GRM7: variants seen among roughly 807,000 people sequenced by gnomAD.
GRM7 encodes the protein glutamate metabotropic receptor 7.
A neutral mutation model predicts 84.5 loss-of-function variants in GRM7; 35 were observed. The ratio of observed to expected loss-of-function variants is 0.41; its 90% confidence interval spans 0.32 to 0.55. GRM7 has a LOEUF of 0.55. Ranked by LOEUF, GRM7 falls within the 20% of genes least tolerant of loss-of-function variation. The pLI, the probability that GRM7 is intolerant of heterozygous loss-of-function variation, is 0.19. For missense variants in GRM7, 1,003 were observed against 1,194.6 expected (o/e 0.84, Z 2.36); for synonymous variants, 487 against 455.1 (o/e 1.07, Z -0.89).
chr3:7,369,585 G>A (rs567976438), intron 4 of GRM7, among the ~76,000 whole-genome samples: 1 of 152,076 alleles, frequency 6.6e-6, no homozygotes, highest in Non-Finnish European at 1.5e-5. Flanking sequence ...GAAGGGGAAT[G>A]GATGGTAGAG....
chr3:7,581,429 A>G (rs1026943454), intron 8 of GRM7, among the ~76,000 whole-genome samples: 1 of 152,222 alleles, frequency 6.6e-6, no homozygotes, highest in African/African-American at 2.4e-5. Context: ...TTAAAGGCAC[A>G]AAATTGCCAA....
At chr3:7,739,390 C>A (rs1702613792) in intron 9 of GRM7, among the ~76,000 whole-genome samples, 1 of 152,196 alleles carries the variant, frequency 6.6e-6, no homozygotes, top group Non-Finnish European at 1.5e-5. Flanking sequence ...GTGAACACTT[C>A]TATTTAGAAT....
At chr3:7,628,340 C>T (rs1472279972) in intron 8 of GRM7, among the ~76,000 whole-genome samples, 2 of 152,110 alleles carry the variant, frequency 1.3e-5, no homozygotes, top group African/African-American at 2.4e-5. Context: ...ACAGCTTGCC[C>T]AGGTCACGAC....
chr3:7,156,971 A>G (rs1694471056), intron 2 of GRM7, among the ~76,000 whole-genome samples: 1 of 152,158 alleles, frequency 6.6e-6, no homozygotes, highest in Non-Finnish European at 1.5e-5. Flanking sequence ...AAAAAAAATC[A>G]GAATTCTTTG....
chr3:7,711,280 A>C (rs914028535), intron 9 of GRM7, among the ~76,000 whole-genome samples: 9 of 152,192 alleles, frequency 5.9e-5, no homozygotes, highest in African/African-American at 1.9e-4. Context: ...AATGATGAGA[A>C]GGCACAAACC....
At chr3:6,884,190 G>C (rs540368552) in intron 1 of GRM7, 1 of 152,618 alleles carries the variant, frequency 6.6e-6, no homozygotes. Flanking sequence ...GTCAAGTACA[G>C]TAGCTACCTG....
At chr3:7,470,293 C>A (rs903382251) in intron 7 of GRM7, among the ~76,000 whole-genome samples, 1 of 152,078 alleles carries the variant, frequency 6.6e-6, no homozygotes, top group African/African-American at 2.4e-5. Flanking sequence ...ATGTCAATAC[C>A]GTTAATATCC....
rs563312204 is a variant in GRM7 at position 7,381,469 on chromosome 3, A to C, written c.1034-33554A>C. Among the ~76,000 whole-genome samples the C allele has an allele frequency of 1.3e-4, 20 of 152,274 alleles. No homozygotes were observed. The East Asian group carries it at 3.9e-3, about 29-fold the overall frequency. ...TCTCTATTCTTGGGGTTTATGGATCATTGGGGAGGCAAGCATTAAACATTT... is the reference window on the plus strand; with the variant it reads ...TCTCTATTCTTGGGGTTTATGGATCCTTGGGGAGGCAAGCATTAAACATTT... On this transcript the variant is annotated intron_variant, in intron 4 of 9. Coordinates refer to ENST00000357716, the MANE Select transcript of GRM7 (RefSeq NM_000844.4).
At chr3:7,626,448 C>T (rs1172157793) in intron 8 of GRM7, among the ~76,000 whole-genome samples, 1 of 152,174 alleles carries the variant, frequency 6.6e-6, no homozygotes, top group African/African-American at 2.4e-5. Context: ...TACCACAAAA[C>T]CGGGTGGCAT....
chr3:7,653,178 TCC>T (rs1699028779), intron 8 of GRM7, among the ~76,000 whole-genome samples: 1 of 136,848 alleles, frequency 7.3e-6, no homozygotes, highest in Non-Finnish European at 1.5e-5. Context: ...ACATACTATA[TCC>T]TTTTTTTTTT....
intron 7 of GRM7, among the ~76,000 whole-genome samples, chr3:7,499,297 A>G (rs1487264783): frequency 3.9e-5 from 6 of 152,138 alleles, no homozygotes; most frequent in African/African-American, 9.7e-5. Context: ...TGGGAGATAC[A>G]TGGAGTTTCC....
chr3:6,913,243 A>T (rs1021063536), intron 1 of GRM7, among the ~76,000 whole-genome samples: 3 of 152,148 alleles, frequency 2.0e-5, no homozygotes, highest in Admixed American at 1.3e-4. Context: ...TATTATTTTC[A>T]TTGGCTTTAT....
chr3:7,649,471 A>T (rs573616096), intron 8 of GRM7, among the ~76,000 whole-genome samples: 1 of 152,180 alleles, frequency 6.6e-6, no homozygotes, highest in African/African-American at 2.4e-5. Context: ...GTTTCAAAAA[A>T]TATTAAATTT....
intron 9 of GRM7, among the ~76,000 whole-genome samples, chr3:7,725,501 G>GCA (rs141475627): frequency 9.3e-5 from 14 of 150,860 alleles, no homozygotes; most frequent in South Asian, 2.1e-4. Flanking sequence ...CATCACACAG[G>GCA]CACACACACA....
intron 8 of GRM7, among the ~76,000 whole-genome samples, chr3:7,603,957 TG>T (rs1696442829): frequency 6.6e-6 from 1 of 152,186 alleles, no homozygotes; most frequent in Non-Finnish European, 1.5e-5. Flanking sequence ...GCTTTTGCCT[TG>T]GGATAGGGGA....
In GRM7 at chr3:7,721,105, T is replaced by C. The variant is rs143979926; in HGVS notation, c.2699-19252T>C. On this transcript the variant is annotated intron_variant, in intron 9 of 9. Coordinates refer to ENST00000357716, the MANE Select transcript of GRM7 (RefSeq NM_000844.4). ...TCAGAGCACAAGTGTTTGTACTGTT[T>C]ATTGCATCATCTAGGACTCATGCTT... Among the ~76,000 whole-genome samples the C allele has an allele frequency of 3.6e-4, 55 of 152,352 alleles. 1 individual carries two copies. In the East Asian group the frequency reaches 0.01, roughly 28 times the overall value.
intron 2 of GRM7, among the ~76,000 whole-genome samples, chr3:7,255,408 T>C (rs1471887584): frequency 6.6e-6 from 1 of 152,224 alleles, no homozygotes; most frequent in African/African-American, 2.4e-5. Context: ...CCCGCTTCCT[T>C]TTCAGTTTTT....
chr3:7,076,253 T>G lies in GRM7; in HGVS notation c.520-70199T>G, dbSNP rs1698072260. Among the ~76,000 whole-genome samples, 3 of 152,242 alleles carry G rather than the reference T, an allele frequency of 2.0e-5. No individual in the cohort carries two copies. In the South Asian group the frequency reaches 6.2e-4, roughly 32 times the overall value. On this transcript the variant is annotated intron_variant, in intron 1 of 9. Transcript: ENST00000357716. ...TTAAATAAAAATAGTAGTTCCATTG[T>G]TTTCTTCCTGCACCTGATATGGTTT...
chr3:7,201,143 G>A (rs974832373), intron 2 of GRM7, among the ~76,000 whole-genome samples: 2 of 151,518 alleles, frequency 1.3e-5, no homozygotes, highest in African/African-American at 4.9e-5. Flanking sequence ...CTAATTTTTT[G>A]TATTTTTAGT....
Sources: gnomAD v4.1 joint callset for allele counts (sites outside exome capture counted in the v4.1 genomes callset) on GRCh38, gnomAD v4.1.1 for gene constraint, MANE v1.5 for transcripts, NCBI Gene and HGNC (gene_info 2026-07-23, HGNC 2026-07-21) for gene names.